Variants in PAX8 observed in about 807,000 individuals in gnomAD.
The protein encoded by PAX8 is paired box protein Pax-8.
Under a neutral mutation model 52.4 loss-of-function variants are expected in PAX8, and 15 were observed. The ratio of observed to expected loss-of-function variants is 0.29; its 90% CI spans 0.19 to 0.44. The LOEUF (loss-of-function observed/expected upper bound fraction) is 0.44. PAX8 is among the 20% of genes least tolerant of loss of function. The pLI is 1.00. For synonymous variants in PAX8, 284 were observed against 249.7 expected (o/e 1.14, Z -1.29); for missense variants, 554 against 602.5 (o/e 0.92, Z 0.84).
At chr2:113,277,880 G>A (rs1477875317) in intron 2 of PAX8, among the ~76,000 whole-genome samples, 1 of 152,132 alleles carries the variant, frequency 6.6e-6, no homozygotes, top group African/African-American at 2.4e-5. Context: ...TCCCGGGCCC[G>A]GGACCACCGG....
At chr2:113,219,889 G>A (rs977489285) in intron 11 of PAX8, among the ~76,000 whole-genome samples, 1 of 152,172 alleles carries the variant, frequency 6.6e-6, no homozygotes, top group Admixed American at 6.5e-5. Context: ...ATGCCTGGAA[G>A]CCTCTGGACT....
At position 113,274,584 on chromosome 2, in the gene PAX8, T is replaced by C. The variant is rs1325879243; in HGVS notation, c.25+3786A>G. On this transcript the variant is annotated intron_variant, in intron 2 of 11. Coordinates refer to ENST00000429538, the MANE Select transcript of PAX8 (RefSeq NM_003466.4). ...TTTTCTCCTTATTCTTTCACTCCTTTCTCTCTCACAGCAAAATGTTCTGGA... is the reference window on the plus strand; with the variant it reads ...TTTTCTCCTTATTCTTTCACTCCTTCCTCTCTCACAGCAAAATGTTCTGGA... 2.0e-5 allele frequency: 3 copies of C among 152,114 alleles called. No homozygotes were observed. In the East Asian group the frequency reaches 5.8e-4, roughly 29 times the overall value. The allele number at this position is 152,114 out of a possible 1,614,324, so 9.4% of individuals were successfully genotyped here. A position where few individuals can be genotyped will look rare whatever the true frequency, so the allele number is the denominator to read the frequency against.
intron 2 of PAX8, among the ~76,000 whole-genome samples, chr2:113,251,671 C>T (rs909011929): frequency 4.6e-5 from 7 of 152,174 alleles, no homozygotes; most frequent in African/African-American, 9.7e-5. Context: ...TCAGGGAGGT[C>T]TTAGGACTTT....
chr2:113,250,281 AAAAG>A (rs1691663210), intron 2 of PAX8, among the ~76,000 whole-genome samples: 1 of 151,880 alleles, frequency 6.6e-6, no homozygotes, highest in African/African-American at 2.4e-5. Flanking sequence ...AAAAAAAAAA[AAAAG>A]AAGATAGGGG....
At chr2:113,241,270 G>A in intron 7 of PAX8, 2 of 554,890 alleles carry the variant, frequency 3.6e-6, no homozygotes, top group East Asian at 3.1e-5. Flanking sequence ...TGGGAAAGAC[G>A]CTGATGGCAA....
rs1183904128 is a variant in PAX8, at chr2:113,278,373, A to G, written c.22T>C (p.Ser8Pro). 4.4e-6 allele frequency: 7 copies of G among 1,607,000 alleles called. No homozygotes were observed. The highest frequency in any genetic ancestry group is 1.3e-5 in the African/African-American group (1 of 74,782). The part of the protein sequence containing the change: MPHNSIR[S>P]GHGGLNQLGG... ...CCTGACCACACCGCGTTCTTACCAG[A>G]TCTGATGGAGTTGTGAGGCATCGCC... The change falls in exon 2 of 12, where the codon TCT becomes CCT. Residue 8 changes from serine to proline, a missense_variant. Transcript: ENST00000429538.
intron 2 of PAX8, among the ~76,000 whole-genome samples, chr2:113,253,305 A>G (rs1208797634): frequency 4.6e-5 from 7 of 151,924 alleles, no homozygotes; most frequent in Non-Finnish European, 1.0e-4. Context: ...CCTACTACCC[A>G]TCTCATGATG....
chr2:113,220,218 G>C, intron 10 of PAX8, 40 bp from the exon 11 acceptor site: 1 of 1,490,830 alleles, frequency 6.7e-7, no homozygotes, highest in Non-Finnish European at 9.4e-7. Context: ...TGAGGTGAAG[G>C]GCATCAATGC....
intron 2 of PAX8, chr2:113,272,240 AC>A (rs1366628116): frequency 6.6e-6 from 1 of 151,856 alleles, no homozygotes; most frequent in Admixed American, 6.6e-5. Context: ...CTGGGGAAGG[AC>A]CCCCACCAGC....
chr2:113,242,010 T>C lies in PAX8; in HGVS notation c.599A>G (p.Asp200Gly). ...TGCCCTCCTGTCCCAGCACTCACTG[T>C]CATCCATTTTCCTCTTGTCGCTGCC... ...QPGSDKRKMD[D>G]SDQDSCRLSI... The change falls in exon 6 of 12, where the codon GAC (aspartate) becomes GGC (glycine). Residue 200 changes from aspartate to glycine, a missense_variant and splice_region_variant. Physicochemically the swap from Asp to Gly is moderately conservative, Grantham distance 94. Around this residue, in one of 2 missense-constraint regions of PAX8, gnomAD observed 445 missense variants for 409.9 expected, o/e 1.09. Coordinates refer to ENST00000429538, the MANE Select transcript of PAX8 (RefSeq NM_003466.4). 4 of 1,613,636 alleles carry C rather than the reference T, an allele frequency of 2.5e-6. No homozygotes were observed. Among genetic ancestry groups the C allele is most frequent in the Non-Finnish European group, 3.4e-6 (4 of 1,179,792 alleles).
At position 113,241,738 on chromosome 2, in the gene PAX8, C is replaced by G. The variant is rs768407126; in HGVS notation, c.602-12G>C. ...GCTATCCTGATCACCTGGTACCCCC[C>G]GGGAAGGAAGAAAGCTTTTAGGGGA... On this transcript the variant is annotated splice_polypyrimidine_tract_variant and intron_variant, in intron 6 of 11. Transcript: ENST00000429538. The G allele has an allele frequency of 1.1e-5, 17 of 1,613,796 alleles. No individual in the cohort carries two copies. The highest frequency in any genetic ancestry group is 1.0e-4 in the Admixed American group (6 of 60,014).
At chr2:113,220,378 C>T in intron 10 of PAX8, 200 bp from the exon 11 acceptor site, 2 of 585,890 alleles carry the variant, frequency 3.4e-6, no homozygotes, top group South Asian at 4.1e-5. Context: ...AAATTTGGGG[C>T]AGTGTCCTTT....
chr2:113,235,423 C>A lies in PAX8; in HGVS notation c.1058G>T (p.Gly353Val). Residue 353 changes from glycine (G) to valine (V), a missense_variant, in exon 9 of 12, where the codon GGG becomes GTG. Around this residue, in one of 2 missense-constraint regions of PAX8, gnomAD observed 445 missense variants for 409.9 expected, o/e 1.09. Transcript: ENST00000429538. The part of the protein sequence containing the change: ...NAFPHAASVY[G>V]QFTGQALLSG... ...GAGGAGGGCCTGGCCCGTGAACTGC[C>A]CGTACACGGAGGCAGCATGGGGAAA... The A allele has an allele frequency of 1.3e-6, 2 of 1,599,946 alleles. No individual in the cohort carries two copies.
At chr2:113,233,013 C>T (rs899845698) in intron 9 of PAX8, among the ~76,000 whole-genome samples, 1 of 149,692 alleles carries the variant, frequency 6.7e-6, no homozygotes, top group Admixed American at 6.7e-5. Context: ...TGAACCTCTT[C>T]TCCTCACCCC....
In PAX8 at chr2:113,241,655, T is replaced by G. The variant is rs868077682; in HGVS notation, c.673A>C (p.Thr225Pro). Residue 225 changes from threonine to proline, a missense_variant, in exon 7 of 12, where the codon ACG becomes CCG. By Grantham distance (38) the Thr-to-Pro change is conservative (BLOSUM62 -1). This residue lies in a region of PAX8 where 445 missense variants were observed against 409.9 expected (regional missense o/e 1.09). Transcript: ENST00000429538. ...AGGTGGTGCTGGCTGAAGGCATCCG[T>G]GCGAAGGTGCTTTCGGGGTCCGCTG... ...SSSGPRKHLR[T>P]DAFSQHHLEP... The G allele has an allele frequency of 8.7e-6, 14 of 1,614,132 alleles. 1 individual carries two copies. The Middle Eastern group carries it at 2.3e-3, about 266-fold the overall frequency.
chr2:113,272,769 C>T (rs772065442), intron 2 of PAX8: 1 of 152,238 alleles, frequency 6.6e-6, no homozygotes, highest in Non-Finnish European at 1.5e-5. Context: ...GTGTTCCAAT[C>T]TGCATTTGGA....
chr2:113,270,308 G>T (rs1267667165), intron 2 of PAX8: 4 of 152,190 alleles, frequency 2.6e-5, no homozygotes, highest in Non-Finnish European at 5.9e-5. Context: ...TATGTGCCAG[G>T]TGAGGAGACA....
At chr2:113,235,757 G>A (rs1018878645) in intron 8 of PAX8, 175 bp from the exon 9 acceptor site, 20 of 589,758 alleles carry the variant, frequency 3.4e-5, no homozygotes, top group Non-Finnish European at 5.1e-5. Context: ...AAGGCGGGGA[G>A]AGAGAAGCTA....
At chr2:113,230,272 TC>T (rs1204435348) in intron 9 of PAX8, among the ~76,000 whole-genome samples, 3 of 152,156 alleles carry the variant, frequency 2.0e-5, no homozygotes, top group Non-Finnish European at 4.4e-5. Context: ...GCACTCCCCT[TC>T]CCCCTGCCTT....
Sources: gnomAD v4.1 joint callset for allele counts (sites outside exome capture counted in the v4.1 genomes callset) on GRCh38, gnomAD v4.1.1 for gene constraint, gnomAD v4.1.1 regional missense constraint, MANE v1.5 for transcripts, NCBI Gene and HGNC (gene_info 2026-07-23, HGNC 2026-07-21) for gene names.